Variants in GLIS3 observed in about 807,000 individuals in gnomAD.
GLIS3 encodes zinc finger protein GLIS3.
Under a neutral mutation model 78.6 loss-of-function variants are expected in GLIS3, and 53 were observed. The ratio of observed to expected loss-of-function variants is 0.67; its 90% CI spans 0.54 to 0.85. The LOEUF (loss-of-function observed/expected upper bound fraction) is 0.85. Among genes scored for constraint, GLIS3 ranks in the 40% least tolerant of loss-of-function variants. The pLI, the probability that GLIS3 is intolerant of heterozygous loss-of-function variation, is 0.00. For missense variants in GLIS3, 1,703 were observed against 1,231.1 expected (o/e 1.38, Z -5.74); for synonymous variants, 684 against 509.9 (o/e 1.34, Z -4.60).
chr9:4,217,332 T>G, intron 2 of GLIS3, among the ~76,000 whole-genome samples: 1 of 152,170 alleles, frequency 6.6e-6, no homozygotes, highest in Non-Finnish European at 1.5e-5. Context: ...TATTTAAAAA[T>G]AAAAATTTTA....
chr9:4,291,020 C>G (rs1364663071), intron 1 of GLIS3, among the ~76,000 whole-genome samples: 1 of 151,950 alleles, frequency 6.6e-6, no homozygotes, highest in Non-Finnish European at 1.5e-5. Context: ...AATTTGCAAC[C>G]GAAGTTACAC....
At chr9:3,930,194 A>G (rs985735305) in intron 6 of GLIS3, among the ~76,000 whole-genome samples, 6 of 152,378 alleles carry the variant, frequency 3.9e-5, no homozygotes, top group Middle Eastern at 3.4e-3. Context: ...ATCGGAAAGT[A>G]AACACTGCAA....
chr9:4,338,342 G>A (rs1341058872), intron 2 of GLIS3, among the ~76,000 whole-genome samples: 2 of 150,756 alleles, frequency 1.3e-5, no homozygotes, highest in Non-Finnish European at 2.9e-5. Flanking sequence ...TAGAGAGATA[G>A]ATGGATTTCT....
intron 6 of GLIS3, among the ~76,000 whole-genome samples, chr9:3,902,364 C>T (rs975551848): frequency 6.6e-6 from 1 of 152,198 alleles, no homozygotes; most frequent in African/African-American, 2.4e-5. Flanking sequence ...TAAACATTCT[C>T]TAGTACAGGA....
At chr9:3,888,515 T>C (rs1822224830) in intron 7 of GLIS3, among the ~76,000 whole-genome samples, 1 of 152,196 alleles carries the variant, frequency 6.6e-6, no homozygotes, top group Non-Finnish European at 1.5e-5. Flanking sequence ...CTGAACTCTC[T>C]CAAAGAGCCT....
intron 2 of GLIS3, among the ~76,000 whole-genome samples, chr9:4,162,475 T>C (rs562248068): frequency 5.7e-4 from 86 of 152,106 alleles, no homozygotes; most frequent in Admixed American, 1.8e-3. Flanking sequence ...GCAAGAACAA[T>C]GGAAGGAAGG....
chr9:4,329,227 C>A (rs1817647403), intron 2 of GLIS3, among the ~76,000 whole-genome samples: 1 of 151,982 alleles, frequency 6.6e-6, no homozygotes. Flanking sequence ...GTTCTGAGTC[C>A]ACGACCCCCA....
chr9:4,431,256 A>C, the GLIS3 span, among the ~76,000 whole-genome samples: 1 of 152,204 alleles, frequency 6.6e-6, no homozygotes, highest in Admixed American at 6.5e-5. Flanking sequence ...CAAACTTCAC[A>C]TATTCGTGAA....
At chr9:4,039,636 G>A (rs1013693973) in intron 4 of GLIS3, among the ~76,000 whole-genome samples, 3 of 152,160 alleles carry the variant, frequency 2.0e-5, no homozygotes, top group Non-Finnish European at 4.4e-5. Flanking sequence ...CCACTATTTA[G>A]TGCCAAAGCC....
intron 2 of GLIS3, among the ~76,000 whole-genome samples, chr9:4,135,494 T>G (rs1396834622): frequency 6.6e-6 from 1 of 152,194 alleles, no homozygotes; most frequent in Non-Finnish European, 1.5e-5. Context: ...ACTATGACTG[T>G]TTTGACAAAG....
chr9:4,297,337 G>A (rs1816628221), intron 1 of GLIS3, among the ~76,000 whole-genome samples: 1 of 152,166 alleles, frequency 6.6e-6, no homozygotes, highest in Non-Finnish European at 1.5e-5. Context: ...TGCGACAACT[G>A]GCTGTGAGGC....
Position 4,112,703 on chromosome 9 carries a change from T to C in GLIS3, c.1710+5065A>G, listed in dbSNP as rs142770648. 1.2e-3 allele frequency among the ~76,000 whole-genome samples: 180 copies of C among 152,268 alleles called. 2 individuals are homozygous for C. In the East Asian group the frequency reaches 0.031, roughly 26 times the overall value. On this transcript the variant is annotated intron_variant, in intron 4 of 10. Transcript: ENST00000381971. ...TTTGTTCTCATCTAAAAAAATGATA[T>C]GGGTGGAAAGAAATTGGAGTGTGAT...
At chr9:3,833,704 AACAT>A (rs1383171584) in intron 9 of GLIS3, among the ~76,000 whole-genome samples, 1 of 152,208 alleles carries the variant, frequency 6.6e-6, no homozygotes, top group African/African-American at 2.4e-5. Context: ...GTAGCATAAG[AACAT>A]ACATATAAAT....
At chr9:4,417,504 G>A in the GLIS3 span, among the ~76,000 whole-genome samples, 2 of 152,092 alleles carry the variant, frequency 1.3e-5, no homozygotes, top group African/African-American at 2.4e-5. Flanking sequence ...TACCAACACT[G>A]ACATAACCAT....
chr9:3,979,728 C>G (rs1309752619), intron 4 of GLIS3, among the ~76,000 whole-genome samples: 1 of 152,144 alleles, frequency 6.6e-6, no homozygotes, highest in Non-Finnish European at 1.5e-5. Context: ...ACAGTAGGAT[C>G]CACAGGCATC....
chr9:4,452,085 C>A, the GLIS3 span, among the ~76,000 whole-genome samples: 2 of 152,064 alleles, frequency 1.3e-5, no homozygotes, highest in Non-Finnish European at 1.5e-5. Context: ...ATGATTATCT[C>A]AATAGATGCA....
intron 2 of GLIS3, among the ~76,000 whole-genome samples, chr9:4,322,955 C>A (rs1267776471): frequency 6.6e-6 from 1 of 152,136 alleles, no homozygotes; most frequent in African/African-American, 2.4e-5. Flanking sequence ...GTTGCCATTG[C>A]TTTTGGTGTT....
intron 4 of GLIS3, among the ~76,000 whole-genome samples, chr9:4,037,000 G>C (rs1207036597): frequency 6.6e-6 from 1 of 152,176 alleles, no homozygotes; most frequent in Non-Finnish European, 1.5e-5. Flanking sequence ...CAGAGCTGAA[G>C]ACAGGGGTGT....
chr9:3,880,341 G>A (rs955063530), intron 7 of GLIS3, among the ~76,000 whole-genome samples: 4 of 152,158 alleles, frequency 2.6e-5, no homozygotes, highest in Admixed American at 1.3e-4. Flanking sequence ...ACGTGAATAC[G>A]TGCCCATTTA....
Sources: gnomAD v4.1 joint callset for allele counts (sites outside exome capture counted in the v4.1 genomes callset) on GRCh38, gnomAD v4.1.1 for gene constraint, MANE v1.5 for transcripts, NCBI Gene and HGNC (gene_info 2026-07-23, HGNC 2026-07-21) for gene names.